The following NTM variants were observed in gnomAD, a reference collection of about 807,000 sequenced individuals.
The protein encoded by NTM is IgLON family member 2.
In NTM, 13 loss-of-function variants were observed where a neutral mutation model predicts 42.1. The ratio of observed to expected loss-of-function variants is 0.31; its 90% CI spans 0.20 to 0.49. The LOEUF (loss-of-function observed/expected upper bound fraction) is 0.49. Ranked by LOEUF, NTM falls within the 20% of genes least tolerant of loss-of-function variation. The probability of loss-of-function intolerance (pLI) is 0.99; values close to 1 mark genes in which losing one functional copy is unlikely to be tolerated. For missense variants in NTM, 373 were observed against 452.8 expected (o/e 0.82, Z 1.60); for synonymous variants, 187 against 179.2 (o/e 1.04, Z -0.35).
At chr11:131,372,964 A>G (rs1006052627) in intron 1 of NTM, among the ~76,000 whole-genome samples, 1 of 152,166 alleles carries the variant, frequency 6.6e-6, no homozygotes, top group Non-Finnish European at 1.5e-5. Flanking sequence ...GCACTATCTC[A>G]GACCTTATCA....
Position 131,825,292 on chromosome 11 carries a change from A to G in NTM, c.83-86272A>G, listed in dbSNP as rs1374394260. ...CCAATTCCAACATGACCTAATCTTA[A>G]TTTAACTAATTACACCTGCAATTAT... On this transcript the variant is annotated intron_variant, in intron 1 of 8. Coordinates refer to ENST00000683400, the MANE Select transcript of NTM (RefSeq NM_001352005.2). 2.6e-5 allele frequency among the ~76,000 whole-genome samples: 4 copies of G among 151,700 alleles called. No individual in the cohort carries two copies. The East Asian group carries it at 5.8e-4, about 22-fold the overall frequency.
At chr11:131,780,363 C>T (rs2087850769) in intron 1 of NTM, among the ~76,000 whole-genome samples, 1 of 152,048 alleles carries the variant, frequency 6.6e-6, no homozygotes, top group Admixed American at 6.6e-5. Flanking sequence ...GGGACAATGG[C>T]TTATTTAAGA....
chr11:131,436,652 C>T (rs1476888770), intron 1 of NTM, among the ~76,000 whole-genome samples: 2 of 152,026 alleles, frequency 1.3e-5, no homozygotes, highest in African/African-American at 4.8e-5. Context: ...TTTTTTATTG[C>T]ATCTATTTGA....
chr11:131,780,157 T>C (rs2087799632), intron 1 of NTM, among the ~76,000 whole-genome samples: 1 of 152,110 alleles, frequency 6.6e-6, no homozygotes, highest in Non-Finnish European at 1.5e-5. Flanking sequence ...CTTTTAGAAA[T>C]AGCAGGAATA....
intron 1 of NTM, among the ~76,000 whole-genome samples, chr11:131,818,396 T>C (rs10791173): frequency 0.8 from 121,921 of 152,060 alleles, 49,591 homozygotes; most frequent in African/African-American, 0.92. Context: ...GCAAACTTAT[T>C]CTTCCTGGAA....
intron 1 of NTM, among the ~76,000 whole-genome samples, chr11:131,854,144 A>T (rs2045874769): frequency 6.6e-6 from 1 of 152,166 alleles, no homozygotes; most frequent in Admixed American, 6.5e-5. Context: ...GTCATCTTAG[A>T]ATAAGGTGTT....
At chr11:131,605,392 T>C (rs1477059266) in intron 1 of NTM, among the ~76,000 whole-genome samples, 1 of 152,234 alleles carries the variant, frequency 6.6e-6, no homozygotes, top group African/African-American at 2.4e-5. Context: ...TTTATTTTTG[T>C]ATATTTATTG....
At chr11:131,917,457 A>G (rs192174562) in intron 2 of NTM, among the ~76,000 whole-genome samples, 1 of 152,284 alleles carries the variant, frequency 6.6e-6, no homozygotes, top group African/African-American at 2.4e-5. Context: ...TTGGTTGTCC[A>G]TTATTTCATA....
At chr11:132,255,989 A>T (rs1346001968) in intron 4 of NTM, among the ~76,000 whole-genome samples, 1 of 151,984 alleles carries the variant, frequency 6.6e-6, no homozygotes, top group Non-Finnish European at 1.5e-5. Context: ...AAAAATAGAC[A>T]TACCCAGTGA....
At chr11:132,059,820 A>T (rs778387483) in intron 2 of NTM, among the ~76,000 whole-genome samples, 2 of 151,442 alleles carry the variant, frequency 1.3e-5, no homozygotes, top group Admixed American at 6.6e-5. Context: ...AGGATTCCCA[A>T]ATTTGTTATT....
chr11:131,440,663 A>G (rs1178055135), intron 1 of NTM, among the ~76,000 whole-genome samples: 1 of 151,638 alleles, frequency 6.6e-6, no homozygotes, highest in Non-Finnish European at 1.5e-5. Flanking sequence ...ACATTTTTGA[A>G]AACCACTACT....
At chr11:132,138,802 A>G (rs1217735200) in intron 2 of NTM, among the ~76,000 whole-genome samples, 1 of 152,242 alleles carries the variant, frequency 6.6e-6, no homozygotes, top group African/African-American at 2.4e-5. Context: ...CCCTCAGTGT[A>G]TTAGATGGTG....
chr11:131,422,012 G>A (rs913693232), intron 1 of NTM, among the ~76,000 whole-genome samples: 6 of 152,186 alleles, frequency 3.9e-5, no homozygotes, highest in African/African-American at 1.4e-4. Context: ...TGAAGAATCC[G>A]TGGATGGAAT....
At chr11:131,848,541 A>G (rs1297805328) in intron 1 of NTM, among the ~76,000 whole-genome samples, 1 of 152,236 alleles carries the variant, frequency 6.6e-6, no homozygotes, top group Non-Finnish European at 1.5e-5. Flanking sequence ...TGAAACATTC[A>G]TGCTTTATAG....
At chr11:131,388,109 C>G (rs1943551820) in intron 1 of NTM, among the ~76,000 whole-genome samples, 2 of 152,228 alleles carry the variant, frequency 1.3e-5, no homozygotes. Context: ...AGGGCCACTC[C>G]CAGGGCTGGA....
intron 1 of NTM, among the ~76,000 whole-genome samples, chr11:131,869,656 G>C (rs556804347): frequency 1.3e-5 from 2 of 152,324 alleles, no homozygotes; most frequent in East Asian, 3.9e-4. Context: ...TTTAGAAACA[G>C]AAGGAAACTT....
At chr11:132,180,462 A>G (rs922458278) in intron 3 of NTM, among the ~76,000 whole-genome samples, 1 of 152,242 alleles carries the variant, frequency 6.6e-6, no homozygotes, top group African/African-American at 2.4e-5. Flanking sequence ...AAAGAAAAGG[A>G]CAAATGATAG....
chr11:131,759,618 A>G (rs879583337), intron 1 of NTM, among the ~76,000 whole-genome samples: 19 of 152,052 alleles, frequency 1.2e-4, no homozygotes, highest in Admixed American at 4.6e-4. Flanking sequence ...GTAAGAGGTT[A>G]GAGAGAAGCC....
At chr11:131,476,265 T>A (rs1414522943) in intron 1 of NTM, among the ~76,000 whole-genome samples, 4 of 152,242 alleles carry the variant, frequency 2.6e-5, no homozygotes, top group Admixed American at 2.6e-4. Flanking sequence ...ATCTACAGAC[T>A]ACATATCAAC....
Sources: gnomAD v4.1 joint callset for allele counts (sites outside exome capture counted in the v4.1 genomes callset) on GRCh38, gnomAD v4.1.1 for gene constraint, MANE v1.5 for transcripts, NCBI Gene and HGNC (gene_info 2026-07-23, HGNC 2026-07-21) for gene names.